Variants in LRRC40 observed in about 807,000 individuals in gnomAD.
LRRC40 encodes the protein leucine rich repeat containing 40.
LRRC40 carries 76 observed loss-of-function variants against 72.8 expected under a neutral mutation model. That is an observed-to-expected ratio of 1.04 (90% confidence interval 0.87 to 1.26). LRRC40 has a LOEUF of 1.26. Among genes scored for constraint, LRRC40 ranks in the 50% most tolerant of loss-of-function variants. LRRC40 has a pLI of 0.00. For missense variants in LRRC40, 684 were observed against 698.9 expected (o/e 0.98, Z 0.24); for synonymous variants, 243 against 254.2 (o/e 0.96, Z 0.42).
chr1:70,181,262 A>G, intron 4 of LRRC40, 53 bp from the exon 5 acceptor site: 1 of 1,152,992 alleles, frequency 8.7e-7, no homozygotes, highest in Non-Finnish European at 1.2e-6. Flanking sequence ...AAAATAAATA[A>G]ATAATGCCCT....
chr1:70,188,109 A>G (rs1310917579), intron 2 of LRRC40, among the ~76,000 whole-genome samples: 1 of 152,190 alleles, frequency 6.6e-6, no homozygotes, highest in African/African-American at 2.4e-5. Flanking sequence ...TAAGGTAGAA[A>G]GAACCTTAGA....
At chr1:70,172,505 T>G (rs1395357246) in intron 9 of LRRC40, among the ~76,000 whole-genome samples, 3 of 152,148 alleles carry the variant, frequency 2.0e-5, no homozygotes, top group Admixed American at 6.5e-5. Context: ...CTAGCAGAAA[T>G]GTTTGCATAT....
chr1:70,161,233 C>T (rs1317693746), intron 9 of LRRC40, among the ~76,000 whole-genome samples: 3 of 151,426 alleles, frequency 2.0e-5, no homozygotes, highest in East Asian at 3.9e-4. Context: ...TACTGGTGCC[C>T]GCCACCACGC....
chr1:70,179,050 C>T (rs887945346), intron 5 of LRRC40, 57 bp from the exon 6 acceptor site: 17 of 1,090,172 alleles, frequency 1.6e-5, no homozygotes, highest in African/African-American at 6.4e-5. Flanking sequence ...AGTTTCTGAT[C>T]GTATACAACT....
At chr1:70,172,043 T>C (rs1180628492) in intron 9 of LRRC40, among the ~76,000 whole-genome samples, 3 of 152,060 alleles carry the variant, frequency 2.0e-5, no homozygotes, top group Admixed American at 2.0e-4. Flanking sequence ...AAGGTAACAG[T>C]ATTAAGAGGT....
intron 1 of LRRC40, among the ~76,000 whole-genome samples, chr1:70,201,850 C>T (rs1055208338): frequency 6.6e-6 from 1 of 151,920 alleles, no homozygotes; most frequent in African/African-American, 2.4e-5. Context: ...GACAGCACAT[C>T]CCTGTAATCC....
intron 9 of LRRC40, among the ~76,000 whole-genome samples, chr1:70,161,209 C>T (rs1008568032): frequency 6.6e-6 from 1 of 151,340 alleles, no homozygotes; most frequent in Non-Finnish European, 1.5e-5. Flanking sequence ...CTCAGCCTCC[C>T]GAGTAGCTGG....
At position 70,169,988 on chromosome 1, in the gene LRRC40, T is replaced by G. The variant is rs187245088; in HGVS notation, c.1111+3477A>C. ...AAAAAAATCACAAGAAAACAACAGA[T>G]GAATAACTCTCAAATTCTCAACAAA... On this transcript the variant is annotated intron_variant, in intron 9 of 14. Coordinates refer to ENST00000370952, the MANE Select transcript of LRRC40 (RefSeq NM_017768.5). 1.2e-3 allele frequency among the ~76,000 whole-genome samples: 177 copies of G among 152,104 alleles called. 3 individuals carry two copies. The Middle Eastern group carries it at 0.014, about 12-fold the overall frequency.
intron 2 of LRRC40, 71 bp downstream of exon 2, chr1:70,189,021 G>A (rs1668430152): frequency 3.0e-6 from 4 of 1,349,168 alleles, no homozygotes; most frequent in Non-Finnish European, 4.1e-6. Context: ...AAGGTTTTCT[G>A]CTACCAAAGC....
chr1:70,178,771 C>T (rs1668165587), intron 6 of LRRC40, 80 bp downstream of exon 6: 4 of 889,940 alleles, frequency 4.5e-6, no homozygotes, highest in East Asian at 2.8e-5. Context: ...CAATGTAAAA[C>T]AAGATTAGCT....
At chr1:70,161,008 A>AT (rs1221262973) in intron 9 of LRRC40, among the ~76,000 whole-genome samples, 1 of 152,104 alleles carries the variant, frequency 6.6e-6, no homozygotes, top group Non-Finnish European at 1.5e-5. Flanking sequence ...GAAAAAAAAA[A>AT]GTTGTAATTG....
At chr1:70,204,377 T>C (rs897751647) in intron 1 of LRRC40, among the ~76,000 whole-genome samples, 5 of 152,056 alleles carry the variant, frequency 3.3e-5, no homozygotes, top group African/African-American at 1.2e-4. Flanking sequence ...TGTTAAAAAA[T>C]TAAACAGGTA....
rs569675924 is a variant in LRRC40 at position 70,187,440 on chromosome 1, C to T, written c.334-102G>A. The T allele has an allele frequency of 1.3e-5, 8 of 609,428 alleles. No homozygotes were observed. In the Admixed American group the frequency reaches 2.4e-4, roughly 18 times the overall value. 37.8% of individuals were successfully genotyped at this position (609,428 alleles called of 1,614,324 possible). A position where few individuals can be genotyped will look rare whatever the true frequency, so the allele number is the denominator to read the frequency against. ...ACTATTAGTCAGTAATCTCCTGTTC[C>T]TCAAATTCAATGGCAACAAGTTGAA... is the stretch of plus-strand genomic sequence containing the variant. On this transcript the variant is annotated intron_variant, in intron 2 of 14. Coordinates refer to ENST00000370952, the MANE Select transcript of LRRC40 (RefSeq NM_017768.5).
rs181681069 is a variant in LRRC40, at chr1:70,167,807, G to A, written c.1111+5658C>T. Among the ~76,000 whole-genome samples, 23 of 152,066 alleles carry A rather than the reference G, an allele frequency of 1.5e-4. 1 individual carries two copies. In the East Asian group the frequency reaches 4.1e-3, roughly 27 times the overall value. On this transcript the variant is annotated intron_variant, in intron 9 of 14. Transcript: ENST00000370952. ...TTTTTGTGTTTTTAGTAGAGATGGG[G>A]TTTCACTATGTTGGCCAGGCTGGTC...
Position 70,145,862 on chromosome 1 carries a change from C to T in LRRC40, c.1747G>A (p.Ala583Thr). The change falls in exon 15 of 15, where the codon GCC (alanine) becomes ACC (threonine). Residue 583 changes from alanine to threonine, a missense_variant. Ala to Thr is a moderately conservative substitution (Grantham distance 58, BLOSUM62 0). Transcript: ENST00000370952. ...DGNPFRVPRAAILMKGTAAIL... is the reference protein window; with the variant it reads ...DGNPFRVPRATILMKGTAAIL... ...GCAGCTGTTCCTTTCATTAATATGG[C>T]TGCTCGAGGAACTCGGAATGGATTT... 2 of 1,609,988 alleles carry T rather than the reference C, an allele frequency of 1.2e-6. No individual in the cohort carries two copies. The highest frequency in any genetic ancestry group is 2.2e-5 in the East Asian group (1 of 44,768).
chr1:70,180,567 T>C (rs1385824445), intron 5 of LRRC40: 1 of 152,256 alleles, frequency 6.6e-6, no homozygotes, highest in Non-Finnish European at 1.5e-5. Flanking sequence ...AATCCCTTAA[T>C]GTTAGTTCTA....
chr1:70,204,199 T>C (rs1377448413), intron 1 of LRRC40, among the ~76,000 whole-genome samples: 2 of 152,370 alleles, frequency 1.3e-5, no homozygotes, highest in East Asian at 3.9e-4. Flanking sequence ...TACTTATTGC[T>C]TCCGCAAAAT....
At chr1:70,181,937 T>G (rs1476358665) in intron 4 of LRRC40, among the ~76,000 whole-genome samples, 1 of 152,022 alleles carries the variant, frequency 6.6e-6, no homozygotes, top group East Asian at 1.9e-4. Context: ...AAATTAGGTG[T>G]AAATTGCTCC....
intron 10 of LRRC40, among the ~76,000 whole-genome samples, chr1:70,158,741 G>A (rs1667693485): frequency 6.6e-6 from 1 of 152,046 alleles, no homozygotes; most frequent in African/African-American, 2.4e-5. Flanking sequence ...CTCAAGCTTT[G>A]CCTGCTGGTC....
Sources: gnomAD v4.1 joint callset for allele counts (sites outside exome capture counted in the v4.1 genomes callset) on GRCh38, gnomAD v4.1.1 for gene constraint, MANE v1.5 for transcripts, NCBI Gene and HGNC (gene_info 2026-07-23, HGNC 2026-07-21) for gene names.